The following FAM193A variants were observed in gnomAD, a reference collection of about 807,000 sequenced individuals.
FAM193A encodes protein FAM193A.
FAM193A carries 22 observed loss-of-function variants against 126.5 expected under a neutral mutation model. The observed-to-expected ratio is 0.17, with a 90% CI of 0.12 to 0.25. FAM193A has a LOEUF of 0.25. FAM193A is among the 10% of genes least tolerant of loss of function. FAM193A has a pLI of 1.00. For missense variants in FAM193A, 1,675 were observed against 1,672.8 expected, an observed-to-expected ratio of 1.00 and a Z score of -0.02; for synonymous variants, 761 against 646.8, an observed-to-expected ratio of 1.18 and a Z score of -2.68.
chr4:2,624,344 G>A (rs554262403), intron 2 of FAM193A, among the ~76,000 whole-genome samples: 4 of 152,186 alleles, frequency 2.6e-5, no homozygotes, highest in African/African-American at 9.7e-5. Flanking sequence ...GGATTTCACC[G>A]TGTGGGTCAG....
chr4:2,701,186 A>G (rs981800795), intron 19 of FAM193A, among the ~76,000 whole-genome samples: 1 of 151,998 alleles, frequency 6.6e-6, no homozygotes, highest in Non-Finnish European at 1.5e-5. Flanking sequence ...ACCACAGTAC[A>G]GTGATCAAAA....
chr4:2,690,814 A>C lies in FAM193A; in HGVS notation c.2647A>C (p.Lys883Gln). ...DSKEKKNAAK[K>Q]KCLYNFQDAF... is the part of the protein sequence containing the mutation. ...TAAAGAGAAAAAGAATGCTGCAAAAAAGAAATGTTTATACAATTTCCAAGA... is the reference window on the plus strand; with the variant it reads ...TAAAGAGAAAAAGAATGCTGCAAAACAGAAATGTTTATACAATTTCCAAGA... Residue 883 changes from lysine (K) to glutamine (Q), a missense_variant, in exon 15 of 21, where the codon AAG becomes CAG. Lys to Gln is a moderately conservative substitution (Grantham distance 53, BLOSUM62 1). Transcript: ENST00000637812. 2 of 1,614,192 alleles carry C rather than the reference A, an allele frequency of 1.2e-6. No homozygotes were observed. Among genetic ancestry groups the C allele is most frequent in the Non-Finnish European group, 1.7e-6 (2 of 1,180,042 alleles).
At chr4:2,617,018 A>G (rs1395014246) in intron 2 of FAM193A, among the ~76,000 whole-genome samples, 5 of 145,700 alleles carry the variant, frequency 3.4e-5, no homozygotes, top group Admixed American at 2.0e-4. Flanking sequence ...AAATACAAAC[A>G]TTAGCCGGGT....
chr4:2,535,760 G>A (rs1736841310), upstream of FAM193A, among the ~76,000 whole-genome samples: 1 of 152,190 alleles, frequency 6.6e-6, no homozygotes, highest in African/African-American at 2.4e-5. Context: ...ATCGTCCTAG[G>A]GCCCCGTGGA....
intron 7 of FAM193A, among the ~76,000 whole-genome samples, chr4:2,652,653 C>T (rs1227918201): frequency 1.3e-5 from 2 of 152,092 alleles, no homozygotes; most frequent in East Asian, 3.9e-4. Flanking sequence ...GGAAATCTGC[C>T]CCCATGATCT....
Position 2,672,362 on chromosome 4 carries a change from C to T in FAM193A, c.2321C>T (p.Thr774Ile), listed in dbSNP as rs775995497. 1.2e-6 allele frequency: 2 copies of T among 1,614,208 alleles called. No individual in the cohort carries two copies. The highest frequency in any genetic ancestry group is 1.7e-6 in the Non-Finnish European group (2 of 1,180,034). The change falls in exon 13 of 21, where the codon ACA becomes ATA. Residue 774 changes from threonine to isoleucine, a missense_variant. Thr to Ile is a moderately conservative substitution (Grantham distance 89, BLOSUM62 -1). Around this residue, in one of 4 missense-constraint regions of FAM193A, gnomAD observed 1,186 missense variants for 1,109.2 expected, o/e 1.07. Transcript: ENST00000637812. ...HPTLYATPPF[T>I]HSKALPPAPV... is the part of the protein sequence containing the mutation. ...ACCTTGTATGCAACGCCCCCCTTCA[C>T]ACACAGTAAGGTAAGTCAGGGCAAA... is the stretch of plus-strand genomic sequence containing the variant.
chr4:2,623,284 C>T (rs886160728), intron 2 of FAM193A, among the ~76,000 whole-genome samples: 1 of 152,140 alleles, frequency 6.6e-6, no homozygotes, highest in South Asian at 2.1e-4. Flanking sequence ...ATTCTCCTGC[C>T]TCAGCCTCCC....
rs145848354 is a variant in FAM193A at position 2,676,052 on chromosome 4, T to C, written c.2331+3680T>C. Among the ~76,000 whole-genome samples, 8 of 152,388 alleles carry C rather than the reference T, an allele frequency of 5.2e-5. 1 individual carries two copies. Among genetic ancestry groups the C allele is most frequent in the Admixed American group, 3.3e-4 (5 of 15,312 alleles). On this transcript the variant is annotated intron_variant, in intron 13 of 20. Transcript: ENST00000637812. ...CATCAGTGAACACGTGTTGTTTCCA[T>C]ACATTAGCTACTATGAACAGTGCTG...
chr4:2,538,240 C>G (rs895371550), intron 1 of FAM193A, among the ~76,000 whole-genome samples: 1 of 151,524 alleles, frequency 6.6e-6, no homozygotes, highest in Non-Finnish European at 1.5e-5. Context: ...GCTCTGTCGC[C>G]CAGGCTGGAG....
intron 1 of FAM193A, among the ~76,000 whole-genome samples, chr4:2,562,194 T>C (rs1307858300): frequency 6.6e-6 from 1 of 152,122 alleles, no homozygotes; most frequent in African/African-American, 2.4e-5. Flanking sequence ...ATCCCTATAA[T>C]CGCAGCACTT....
intron 13 of FAM193A, among the ~76,000 whole-genome samples, chr4:2,673,491 T>C (rs1015537678): frequency 6.6e-6 from 1 of 152,228 alleles, no homozygotes; most frequent in African/African-American, 2.4e-5. Flanking sequence ...CTATTGTAAT[T>C]ACTTGGCACA....
chr4:2,698,719 A>T (rs186810281), intron 18 of FAM193A, among the ~76,000 whole-genome samples: 14 of 152,056 alleles, frequency 9.2e-5, no homozygotes, highest in Non-Finnish European at 2.1e-4. Flanking sequence ...AACACTGATG[A>T]CTCTCATCTG....
In FAM193A at chr4:2,604,303, A is replaced by C. The variant is rs927652342; in HGVS notation, c.501+7974A>C. 3.9e-5 allele frequency among the ~76,000 whole-genome samples: 6 copies of C among 152,160 alleles called. 1 individual carries two copies. Among genetic ancestry groups the C allele is most frequent in the Admixed American group, 2.0e-4 (3 of 15,256 alleles). Reference sequence around the variant, plus strand: ...TAAATTATTCTGTTTGTGCTGGAAAATAATGTTTTCTCTGGGTTTAGGTGG... The same window carrying C: ...TAAATTATTCTGTTTGTGCTGGAAACTAATGTTTTCTCTGGGTTTAGGTGG... On this transcript the variant is annotated intron_variant, in intron 2 of 20. Coordinates refer to ENST00000637812, the MANE Select transcript of FAM193A (RefSeq NM_001366318.2).
At chr4:2,553,679 C>G (rs1178752050) in intron 1 of FAM193A, among the ~76,000 whole-genome samples, 3 of 152,064 alleles carry the variant, frequency 2.0e-5, no homozygotes, top group African/African-American at 4.8e-5. Context: ...CTTTGACTTA[C>G]AGTTTATTTA....
At chr4:2,597,512 A>G (rs1321924109) in intron 2 of FAM193A, among the ~76,000 whole-genome samples, 2 of 152,162 alleles carry the variant, frequency 1.3e-5, no homozygotes, top group African/African-American at 2.4e-5. Flanking sequence ...TCCAGAGGCC[A>G]GCGGAAGTGC....
intron 1 of FAM193A, among the ~76,000 whole-genome samples, chr4:2,590,005 C>T (rs1415041067): frequency 6.6e-6 from 1 of 151,782 alleles, no homozygotes; most frequent in Admixed American, 6.6e-5. Flanking sequence ...CATGGTGGCG[C>T]AGGCATGTAA....
At chr4:2,642,541 G>A (rs1485628207) in intron 6 of FAM193A, among the ~76,000 whole-genome samples, 1 of 152,072 alleles carries the variant, frequency 6.6e-6, no homozygotes, top group African/African-American at 2.4e-5. Flanking sequence ...TTTGTCCCTG[G>A]TTATGACGTT....
At chr4:2,666,490 C>A (rs1290933) in intron 12 of FAM193A, among the ~76,000 whole-genome samples, 89,651 of 152,094 alleles carry the variant, frequency 0.59, 29,203 homozygotes, top group South Asian at 0.75. Flanking sequence ...TTTGTGATGT[C>A]TTTGTCTGAC....
chr4:2,706,306 T>TTC (rs1277331420), intron 19 of FAM193A, among the ~76,000 whole-genome samples: 1 of 147,636 alleles, frequency 6.8e-6, no homozygotes, highest in African/African-American at 2.5e-5. Context: ...TTTTTTTTTT[T>TTC]TTTTTTTGAG....
Sources: allele counts gnomAD v4.1 joint callset (sites outside exome capture counted in the v4.1 genomes callset), GRCh38; gene constraint gnomAD v4.1.1; regional missense constraint gnomAD v4.1.1; transcripts MANE v1.5; gene names NCBI Gene and HGNC (gene_info 2026-07-23, HGNC 2026-07-21).